Variants in DPH6 observed in about 807,000 individuals in gnomAD.
DPH6 encodes diphthine--ammonia ligase.
Under a neutral mutation model 38.2 loss-of-function variants are expected in DPH6, and 33 were observed. That is an observed-to-expected ratio of 0.86 (90% CI 0.65 to 1.15). The LOEUF (loss-of-function observed/expected upper bound fraction) is 1.15, where lower values mean the gene tolerates loss of function less well. Among genes scored for constraint, DPH6 ranks in the 50% most tolerant of loss-of-function variants. The pLI is 0.00. For missense variants in DPH6, 325 were observed against 320.0 expected (o/e 1.02, Z -0.12); for synonymous variants, 108 against 103.0 (o/e 1.05, Z -0.30).
chr15:35,268,220 A>T (rs944577972), intron 3 of DPH6, among the ~76,000 whole-genome samples: 9 of 149,222 alleles, frequency 6.0e-5, no homozygotes, highest in African/African-American at 1.5e-4. Flanking sequence ...AATAAATAAA[A>T]GAAAACTGAA....
intron 4 of DPH6, 66 bp downstream of exon 4, chr15:35,454,677 ATTAT>A: frequency 7.7e-7 from 1 of 1,296,150 alleles, no homozygotes; most frequent in Non-Finnish European, 1.1e-6. Flanking sequence ...GAATATGATT[ATTAT>A]TTTTCACTTA....
chr15:35,526,811 A>G (rs1243210336), intron 3 of DPH6, among the ~76,000 whole-genome samples: 3 of 152,126 alleles, frequency 2.0e-5, no homozygotes, highest in African/African-American at 7.2e-5. Flanking sequence ...GAAAAAAATC[A>G]CCTATTAGAA....
the DPH6 span, among the ~76,000 whole-genome samples, chr15:35,179,647 ATTACCTG>A: frequency 6.6e-6 from 1 of 152,176 alleles, no homozygotes; most frequent in Non-Finnish European, 1.5e-5. Context: ...GACAGGAAAT[ATTACCTG>A]TTGTGAAGAA....
intron 3 of DPH6, among the ~76,000 whole-genome samples, chr15:35,363,883 A>G (rs2052634886): frequency 6.6e-6 from 1 of 151,968 alleles, no homozygotes; most frequent in South Asian, 2.1e-4. Flanking sequence ...CTTTTTTTAT[A>G]TACAATGCAA....
the DPH6 span, among the ~76,000 whole-genome samples, chr15:35,168,863 G>A: frequency 6.6e-6 from 1 of 152,050 alleles, no homozygotes; most frequent in African/African-American, 2.4e-5. Flanking sequence ...TCCTGAATGA[G>A]AGGAGTTTGT....
intron 3 of DPH6, among the ~76,000 whole-genome samples, chr15:35,340,167 A>G (rs1323552276): frequency 6.6e-6 from 1 of 152,154 alleles, no homozygotes; most frequent in Admixed American, 6.5e-5. Flanking sequence ...TTGTTGGTTT[A>G]AAGTCTGTTT....
intron 3 of DPH6, among the ~76,000 whole-genome samples, chr15:35,505,093 T>C (rs1332609721): frequency 4.6e-5 from 7 of 152,144 alleles, no homozygotes; most frequent in Non-Finnish European, 1.0e-4. Context: ...ATTTACCAAA[T>C]GGTTTATCAA....
intron 5 of DPH6, among the ~76,000 whole-genome samples, chr15:35,439,350 A>G (rs944160173): frequency 6.6e-6 from 1 of 152,104 alleles, no homozygotes; most frequent in Admixed American, 6.5e-5. Flanking sequence ...AGTGGGGTAT[A>G]CTCCTGTGAA....
At chr15:35,398,195 T>C (rs1254579546) in intron 6 of DPH6, among the ~76,000 whole-genome samples, 7 of 152,148 alleles carry the variant, frequency 4.6e-5, no homozygotes, top group African/African-American at 1.4e-4. Flanking sequence ...TGACCCCAGT[T>C]CCAGAGACAG....
At chr15:35,230,597 C>G (rs1595437459) in intron 3 of DPH6, among the ~76,000 whole-genome samples, 1 of 152,232 alleles carries the variant, frequency 6.6e-6, no homozygotes, top group South Asian at 2.1e-4. Flanking sequence ...CCTGTAGTCA[C>G]AACTGGGAAT....
At chr15:35,184,467 T>C in the DPH6 span, among the ~76,000 whole-genome samples, 1 of 152,016 alleles carries the variant, frequency 6.6e-6, no homozygotes, top group African/African-American at 2.4e-5. Flanking sequence ...AACCTCCAAG[T>C]AGGGGTTAAC....
At chr15:35,502,690 G>A (rs2054642723) in intron 3 of DPH6, among the ~76,000 whole-genome samples, 1 of 151,628 alleles carries the variant, frequency 6.6e-6, no homozygotes, top group South Asian at 2.1e-4. Context: ...GCTAACTGGA[G>A]TAATTCTTGA....
At chr15:35,367,079 T>A (rs1472150181), downstream of DPH6, among the ~76,000 whole-genome samples, 3 of 152,006 alleles carry the variant, frequency 2.0e-5, no homozygotes, top group East Asian at 5.8e-4. Flanking sequence ...AGACTGATGA[T>A]GTTTTTAAAA....
intron 3 of DPH6, among the ~76,000 whole-genome samples, chr15:35,259,083 T>C (rs2051726658): frequency 6.7e-6 from 1 of 150,018 alleles, no homozygotes; most frequent in Non-Finnish European, 1.5e-5. Context: ...AGGTGGAGGT[T>C]GCAGTGGGCC....
At chr15:35,544,165 C>T (rs1336140815) in intron 1 of DPH6, among the ~76,000 whole-genome samples, 1 of 152,170 alleles carries the variant, frequency 6.6e-6, no homozygotes, top group East Asian at 1.9e-4. Flanking sequence ...CTCTGGGATA[C>T]TAAGCTAAGT....
rs549158720 is a variant in DPH6 at position 35,432,838 on chromosome 15, T to C, written c.505+17847A>G. ...CACATGGACACAAAGAGGGGAACAATAGAAACTGAGGCCTACTTGAGGGTG... is the reference window on the plus strand; with the variant it reads ...CACATGGACACAAAGAGGGGAACAACAGAAACTGAGGCCTACTTGAGGGTG... On this transcript the variant is annotated intron_variant, in intron 5 of 8. Transcript: ENST00000256538. Among the ~76,000 whole-genome samples the C allele has an allele frequency of 3.0e-4, 46 of 152,132 alleles. 1 individual carries two copies. The highest frequency in any genetic ancestry group is 1.0e-3 in the African/African-American group (43 of 41,494).
chr15:35,295,881 G>A (rs900411129), intron 3 of DPH6, among the ~76,000 whole-genome samples: 2 of 151,822 alleles, frequency 1.3e-5, no homozygotes, highest in East Asian at 1.9e-4. Context: ...TGCATATTGA[G>A]TTGCCTTGAA....
At chr15:35,382,642 T>C (rs1297226766) in intron 6 of DPH6, among the ~76,000 whole-genome samples, 1 of 152,016 alleles carries the variant, frequency 6.6e-6, no homozygotes, top group African/African-American at 2.4e-5. Flanking sequence ...TTCTCAAGGA[T>C]ACAGAAAAAG....
intron 3 of DPH6, among the ~76,000 whole-genome samples, chr15:35,267,057 C>G (rs1388098539): frequency 6.6e-6 from 1 of 151,830 alleles, no homozygotes; most frequent in Middle Eastern, 3.2e-3. Flanking sequence ...TGAAAGGATA[C>G]AAGGATCTGG....
Sources: allele counts gnomAD v4.1 joint callset (sites outside exome capture counted in the v4.1 genomes callset), GRCh38; gene constraint gnomAD v4.1.1; transcripts MANE v1.5; gene names NCBI Gene and HGNC (gene_info 2026-07-23, HGNC 2026-07-21).